The following ZNF284 variants were observed in gnomAD, a reference collection of about 807,000 sequenced individuals.
The protein encoded by ZNF284 is zinc finger protein 284.
A neutral mutation model predicts 12.9 loss-of-function variants in ZNF284; 12 were observed. The ratio of observed to expected loss-of-function variants is 0.93; its 90% CI spans 0.60 to 1.51. ZNF284 has a LOEUF of 1.51. Ranked by LOEUF, ZNF284 falls within the 40% of genes most tolerant of loss-of-function variation. The pLI is 0.00. For synonymous variants in ZNF284, 225 were observed against 236.5 expected (o/e 0.95, Z 0.45); for missense variants, 667 against 707.3 (o/e 0.94, Z 0.65).
intron 2 of ZNF284, among the ~76,000 whole-genome samples, chr19:44,076,633 T>A (rs570024612): frequency 6.6e-6 from 1 of 152,294 alleles, no homozygotes; most frequent in Non-Finnish European, 1.5e-5. Flanking sequence ...GAAGGAACAA[T>A]TCTCCCATTT....
At position 44,085,923 on chromosome 19, in the gene ZNF284, C is replaced by T. The variant is rs1008674636; in HGVS notation, c.445C>T (p.His149Tyr). Residue 149 changes from histidine (H) to tyrosine (Y), a missense_variant, in exon 5 of 5, where the codon CAT (histidine) becomes TAT (tyrosine). Physicochemically the swap from His to Tyr is moderately conservative, Grantham distance 83. Transcript: ENST00000421176. ...TCACATAGGAGAGACACCTTCTGAG[C>T]ATGGGAAGTGTAAAAAATTCTTCAG... The part of the protein sequence containing the change: ...IIHIGETPSE[H>Y]GKCKKFFSDV... The T allele has an allele frequency of 6.2e-7, 1 of 1,614,132 alleles. No homozygotes were observed. The highest frequency in any genetic ancestry group is 8.5e-7 in the Non-Finnish European group (1 of 1,180,000).
intron 4 of ZNF284, among the ~76,000 whole-genome samples, chr19:44,083,320 G>C (rs535170301): frequency 6.6e-6 from 1 of 151,652 alleles, no homozygotes; most frequent in East Asian, 1.9e-4. Context: ...TGTAATCCCA[G>C]CTACTCGGGT....
intron 2 of ZNF284, among the ~76,000 whole-genome samples, 173 bp downstream of exon 2, chr19:44,076,577 T>G (rs1351092637): frequency 6.6e-6 from 1 of 152,194 alleles, no homozygotes; most frequent in African/African-American, 2.4e-5. Flanking sequence ...GGATTTGATT[T>G]TGTTTACTTT....
chr19:44,086,087 T>C lies in ZNF284; in HGVS notation c.609T>C (p.Tyr203=). 6.2e-7 allele frequency: 1 copy of C among 1,614,204 alleles called. No homozygotes were observed. The change falls in exon 5 of 5, where the codon TAT becomes TAC. Residue 203 remains tyrosine, a synonymous_variant. Coordinates refer to ENST00000421176, the MANE Select transcript of ZNF284 (RefSeq NM_001037813.4). ...HQKVHMGEKR[Y]KCDVCSKAFS... ...AAGTTCACATGGGAGAGAAACGCTA[T>C]AAGTGTGATGTGTGTAGTAAGGCAT...
In ZNF284 at chr19:44,085,878, G is replaced by C; in HGVS notation, c.400G>C (p.Asp134His). The C allele has an allele frequency of 2.5e-6, 4 of 1,614,186 alleles. No individual in the cohort carries two copies. Among genetic ancestry groups the C allele is most frequent in the African/African-American group, 1.3e-5 (1 of 75,054 alleles). ...STQGDVPSQV[D>H]AGLSIIHIGE... ...ACAAGGTGATGTCCCCTCCCAGGTT[G>C]ACGCAGGACTATCTATAATTCACAT... Residue 134 changes from aspartate to histidine, a missense_variant, in exon 5 of 5, where the codon GAC becomes CAC. Transcript: ENST00000421176.
At chr19:44,082,758 T>C (rs533986929) in intron 4 of ZNF284, among the ~76,000 whole-genome samples, 2 of 152,076 alleles carry the variant, frequency 1.3e-5, no homozygotes, top group South Asian at 2.1e-4. Flanking sequence ...ATTGCATCTC[T>C]AACCATTCTT....
chr19:44,074,513 A>G (rs1391384640), intron 1 of ZNF284, among the ~76,000 whole-genome samples: 2 of 152,146 alleles, frequency 1.3e-5, no homozygotes, highest in African/African-American at 2.4e-5. Flanking sequence ...GTTCTTGCTG[A>G]TCACCCAGAT....
intron 4 of ZNF284, among the ~76,000 whole-genome samples, chr19:44,082,670 CTTTAATTT>C (rs1967147451): frequency 1.3e-5 from 2 of 152,218 alleles, no homozygotes; most frequent in African/African-American, 4.8e-5. Context: ...GAAGCCTTCA[CTTTAATTT>C]ACCAATCCCT....
In ZNF284 at chr19:44,087,309, A is replaced by G. The variant is rs765344815; in HGVS notation, c.*49A>G. ...CAGCATATTTCAATACATGTATACA[A>G]TGTATAATGATCAAATCAGTGTTAT... On this transcript the variant is annotated 3_prime_UTR_variant, in exon 5 of 5. Coordinates refer to ENST00000421176, the MANE Select transcript of ZNF284 (RefSeq NM_001037813.4). 3 of 1,283,986 alleles carry G rather than the reference A, an allele frequency of 2.3e-6. No homozygotes were observed. The highest frequency in any genetic ancestry group is 3.1e-6 in the Non-Finnish European group (3 of 953,310). 79.5% of individuals were successfully genotyped at this position (1,283,986 alleles called of 1,614,324 possible). A position where few individuals can be genotyped will look rare whatever the true frequency, so the allele number is the denominator to read the frequency against.
intron 2 of ZNF284, among the ~76,000 whole-genome samples, chr19:44,078,639 T>G (rs890839596): frequency 9.2e-5 from 14 of 152,062 alleles, no homozygotes; most frequent in African/African-American, 3.4e-4. Context: ...TTTTAAAAAT[T>G]TATAAAGTTG....
intron 3 of ZNF284, among the ~76,000 whole-genome samples, chr19:44,081,660 C>A (rs919008872): frequency 6.6e-6 from 1 of 151,722 alleles, no homozygotes; most frequent in African/African-American, 2.4e-5. Flanking sequence ...TGCAGTGAGC[C>A]GAGATCGCAT....
chr19:44,072,988 C>T (rs1020648472), intron 1 of ZNF284, among the ~76,000 whole-genome samples: 1 of 152,226 alleles, frequency 6.6e-6, no homozygotes, highest in Non-Finnish European at 1.5e-5. Flanking sequence ...GAGATGCTCA[C>T]CCCGACCAAG....
chr19:44,083,749 T>C (rs911988818), intron 4 of ZNF284, among the ~76,000 whole-genome samples: 5 of 151,998 alleles, frequency 3.3e-5, no homozygotes, highest in African/African-American at 1.2e-4. Flanking sequence ...TAGTACCCAA[T>C]AGTGGTGGCA....
In ZNF284 at chr19:44,085,807, A is replaced by G. The variant is rs760685711; in HGVS notation, c.329A>G (p.Glu110Gly). ...CAAATCTGGGAACAAACTGCAAGTG[A>G]GTTAACTAGACCTCAAGACTCCATA... is the stretch of plus-strand genomic sequence containing the variant. Reference protein sequence around the residue: ...CQQIWEQTASELTRPQDSISS... With the variant: ...CQQIWEQTASGLTRPQDSISS... Residue 110 changes from glutamate (E) to glycine (G), a missense_variant, in exon 5 of 5, where the codon GAG (glutamate) becomes GGG (glycine). Physicochemically the swap from Glu to Gly is moderately conservative, Grantham distance 98. Transcript: ENST00000421176. 44 of 1,613,734 alleles carry G rather than the reference A, an allele frequency of 2.7e-5. No individual in the cohort carries two copies. Among genetic ancestry groups the G allele is most frequent in the Non-Finnish European group, 3.6e-5 (43 of 1,179,962 alleles).
At position 44,087,179 on chromosome 19, in the gene ZNF284, C is replaced by CA; in HGVS notation, c.1704dup (p.Cys569MetfsTer2). 6.2e-7 allele frequency: 1 copy of CA among 1,613,804 alleles called. No individual in the cohort carries two copies. Among genetic ancestry groups the CA allele is most frequent in the East Asian group, 2.2e-5 (1 of 44,868 alleles). ...GCGACCACAGTGGAGAAAAAACATC[C>CA]AAATGTGAGGACTGTGGGAAGCGCT... On this transcript the variant is annotated frameshift_variant, in exon 5 of 5. Coordinates refer to ENST00000421176, the MANE Select transcript of ZNF284 (RefSeq NM_001037813.4). LOFTEE classifies it high-confidence loss of function.
intron 1 of ZNF284, among the ~76,000 whole-genome samples, chr19:44,074,108 C>A (rs1004273391): frequency 1.3e-5 from 2 of 151,716 alleles, no homozygotes; most frequent in African/African-American, 4.8e-5. Context: ...AATCCCAGCA[C>A]TTTGGGAGGC....
intron 2 of ZNF284, among the ~76,000 whole-genome samples, chr19:44,079,213 T>G (rs572326388): frequency 1.3e-5 from 2 of 152,240 alleles, no homozygotes; most frequent in Non-Finnish European, 2.9e-5. Flanking sequence ...AGATAGATCA[T>G]CAGTTCCCTG....
chr19:44,086,385 A>C lies in ZNF284; in HGVS notation c.907A>C (p.Asn303His). ...GAGCTTCCATAGTAGATCAAATCTTAATAGGCATTCCATGGTCCACATGCA... is the reference window on the plus strand; with the variant it reads ...GAGCTTCCATAGTAGATCAAATCTTCATAGGCATTCCATGGTCCACATGCA... Reference protein sequence around the residue: ...GKSFHSRSNLNRHSMVHMQEK... With the variant: ...GKSFHSRSNLHRHSMVHMQEK... Residue 303 changes from asparagine to histidine, a missense_variant, in exon 5 of 5, where the codon AAT becomes CAT. Physicochemically the swap from Asn to His is moderately conservative, Grantham distance 68. Transcript: ENST00000421176. 6.2e-7 allele frequency: 1 copy of C among 1,614,106 alleles called. No homozygotes were observed. The highest frequency in any genetic ancestry group is 2.2e-5 in the East Asian group (1 of 44,878).
At chr19:44,081,916 A>G (rs994387854) in intron 3 of ZNF284, 97 bp from the exon 4 acceptor site, 6 of 908,042 alleles carry the variant, frequency 6.6e-6, no homozygotes, top group Non-Finnish European at 8.7e-6. Flanking sequence ...CCGCCAAACC[A>G]TATCAGTGTT....
Sources: allele counts gnomAD v4.1 joint callset (sites outside exome capture counted in the v4.1 genomes callset), GRCh38; gene constraint gnomAD v4.1.1; transcripts MANE v1.5; gene names NCBI Gene and HGNC (gene_info 2026-07-23, HGNC 2026-07-21).